The following INPP5F variants were observed in gnomAD, a reference collection of about 807,000 sequenced individuals.
INPP5F encodes inositol polyphosphate-5-phosphatase F, also known as phosphatidylinositide 4-phosphatase SAC2.
INPP5F carries 97 observed loss-of-function variants against 137.2 expected under a neutral mutation model. That is an observed-to-expected ratio of 0.71 (90% CI 0.60 to 0.84). The LOEUF is 0.84. Among genes scored for constraint, INPP5F ranks in the 40% least tolerant of loss-of-function variants. The pLI is 0.00. For missense variants in INPP5F, 1,271 were observed against 1,371.9 expected (o/e 0.93, Z 1.16); for synonymous variants, 504 against 476.9 (o/e 1.06, Z -0.74).
chr10:119,779,465 G>A (rs1346473489), intron 2 of INPP5F, among the ~76,000 whole-genome samples: 2 of 151,882 alleles, frequency 1.3e-5, no homozygotes, highest in Non-Finnish European at 2.9e-5. Context: ...TGTCACCCAA[G>A]CTGGAGTGCA....
Position 119,792,053 on chromosome 10 carries a change from G to C in INPP5F, c.612+17G>C. ...TGGCAGAAGGTACCACTCACAGCTC[G>C]TAGAGCAGGGTTTGCACTTGGGAAG... On this transcript the variant is annotated intron_variant, in intron 5 of 19. Coordinates refer to ENST00000650623, the MANE Select transcript of INPP5F (RefSeq NM_014937.4). 1 of 1,614,226 alleles carries C rather than the reference G, an allele frequency of 6.2e-7. No individual in the cohort carries two copies. Among genetic ancestry groups the C allele is most frequent in the Non-Finnish European group, 8.5e-7 (1 of 1,180,028 alleles).
intron 1 of INPP5F, among the ~76,000 whole-genome samples, chr10:119,746,006 T>A (rs796254689): frequency 6.6e-6 from 1 of 152,168 alleles, no homozygotes; most frequent in Non-Finnish European, 1.5e-5. Flanking sequence ...CCGACCAGGC[T>A]CATTACTGTT....
chr10:119,754,273 C>T (rs576416166), intron 2 of INPP5F, among the ~76,000 whole-genome samples: 2 of 152,286 alleles, frequency 1.3e-5, no homozygotes, highest in South Asian at 4.1e-4. Flanking sequence ...GGCAGACAGC[C>T]CAGAAGCTGT....
chr10:119,757,529 C>G (rs1377383796), intron 2 of INPP5F, among the ~76,000 whole-genome samples: 1 of 151,972 alleles, frequency 6.6e-6, no homozygotes, highest in Non-Finnish European at 1.5e-5. Context: ...TGGTGGCTCA[C>G]ACCTGTAATC....
intron 12 of INPP5F, among the ~76,000 whole-genome samples, 170 bp from the exon 13 acceptor site, chr10:119,807,762 T>G (rs1850851746): frequency 6.6e-6 from 1 of 152,236 alleles, no homozygotes. Context: ...TAGCAATTTA[T>G]AAAGCCATCT....
chr10:119,801,959 A>G (rs951784140), intron 9 of INPP5F, among the ~76,000 whole-genome samples: 1 of 152,152 alleles, frequency 6.6e-6, no homozygotes, highest in South Asian at 2.1e-4. Context: ...GTACCCCAAC[A>G]GTGTTCATTT....
intron 3 of INPP5F, 101 bp downstream of exon 3, chr10:119,781,872 G>A (rs1197697181): frequency 3.2e-6 from 3 of 930,694 alleles, no homozygotes; most frequent in Non-Finnish European, 4.7e-6. Context: ...TTTTAGAGCT[G>A]GGTAATGTTT....
At chr10:119,768,116 A>G (rs1672260687) in intron 2 of INPP5F, 1 of 152,238 alleles carries the variant, frequency 6.6e-6, no homozygotes, top group South Asian at 2.1e-4. Context: ...CGTTTTGAGC[A>G]TAATCTGCAG....
intron 2 of INPP5F, among the ~76,000 whole-genome samples, chr10:119,780,638 C>T (rs1272343978): frequency 6.6e-6 from 1 of 152,148 alleles, no homozygotes; most frequent in East Asian, 1.9e-4. Context: ...GTACAGTCGG[C>T]CCTGTGTATC....
Position 119,811,828 on chromosome 10 carries a change from T to G in INPP5F, c.1759T>G (p.Leu587Val). ...TACCAAGGAGAAAGAACATGAAGCT[T>G]TGCATAAGGAAAATCAGAGAAGCCA... ...IFTKEKEHEA[L>V]HKENQRSHQE... The change falls in exon 15 of 20, where the codon TTG becomes GTG. Residue 587 changes from leucine to valine, a missense_variant. Around this residue, in one of 6 missense-constraint regions of INPP5F, gnomAD observed 593 missense variants for 712.4 expected, o/e 0.83. Coordinates refer to ENST00000650623, the MANE Select transcript of INPP5F (RefSeq NM_014937.4). 6.2e-7 allele frequency: 1 copy of G among 1,614,120 alleles called. No homozygotes were observed. The highest frequency in any genetic ancestry group is 8.5e-7 in the Non-Finnish European group (1 of 1,179,950).
intron 13 of INPP5F, among the ~76,000 whole-genome samples, chr10:119,808,357 ATGGT>A: frequency 6.6e-6 from 1 of 152,200 alleles, no homozygotes; most frequent in Non-Finnish European, 1.5e-5. Context: ...TTTATATGAA[ATGGT>A]TGGTTTTCAA....
chr10:119,777,281 G>T (rs1344511329), intron 2 of INPP5F, among the ~76,000 whole-genome samples: 1 of 152,110 alleles, frequency 6.6e-6, no homozygotes, highest in Non-Finnish European at 1.5e-5. Flanking sequence ...AGGCCAAGTC[G>T]GGCGCATCAC....
chr10:119,792,794 A>G (rs769593462), intron 6 of INPP5F, among the ~76,000 whole-genome samples: 3 of 152,228 alleles, frequency 2.0e-5, no homozygotes, highest in Non-Finnish European at 2.9e-5. Flanking sequence ...AATTCATTCA[A>G]TCAACAAATA....
At chr10:119,765,741 CTGTGTGTGTGTGTGTGTGTGTGTG>C (rs34906556) in intron 2 of INPP5F, among the ~76,000 whole-genome samples, 4 of 127,714 alleles carry the variant, frequency 3.1e-5, no homozygotes, top group Admixed American at 8.4e-5. Context: ...CAAGGGTAAA[CTGTGTGTGTGTGTGTGTGTGTGTG>C]TGTGTGTGTG....
At chr10:119,746,708 A>G (rs2134118063) in intron 1 of INPP5F, among the ~76,000 whole-genome samples, 1 of 152,350 alleles carries the variant, frequency 6.6e-6, no homozygotes, top group East Asian at 1.9e-4. Flanking sequence ...TTGTAAGTCA[A>G]TGAAAGATAT....
chr10:119,765,546 A>ATT lies in INPP5F; in HGVS notation c.178+14405_178+14406dup, dbSNP rs36034689. Among the ~76,000 whole-genome samples the ATT allele has an allele frequency of 1.8e-3, 234 of 129,800 alleles. 3 individuals are homozygous for ATT. The highest frequency in any genetic ancestry group is 6.3e-3 in the African/African-American group (218 of 34,652). 85.2% of individuals were successfully genotyped at this position (129,800 alleles called of 152,430 possible). A position where few individuals can be genotyped will look rare whatever the true frequency, so the allele number is the denominator to read the frequency against. On this transcript the variant is annotated intron_variant, in intron 2 of 19. Transcript: ENST00000650623. ...GCCATGATACCTGGCTAATTTTTGT[A>ATT]TTTTTTTTTTTTTTTTGTAGAGATG...
rs1411425260 is a variant in INPP5F at position 119,823,071 on chromosome 10, G to C, written c.2033G>C (p.Gly678Ala). ...SLENLEKIEI[G>A]PEPTLFGKPK... ...TATACGTATTCATTTGGGATTTTAG[G>C]CCCTGAACCCACTCTTTTTGGTAAG... The change falls in exon 18 of 20, where the codon GGC becomes GCC. Residue 678 changes from glycine (G) to alanine (A), a missense_variant and splice_region_variant. Coordinates refer to ENST00000650623, the MANE Select transcript of INPP5F (RefSeq NM_014937.4). 6.2e-7 allele frequency: 1 copy of C among 1,612,052 alleles called. No individual in the cohort carries two copies. Among genetic ancestry groups the C allele is most frequent in the Non-Finnish European group, 8.5e-7 (1 of 1,179,238 alleles).
chr10:119,738,138 G>T (rs545657688), intron 1 of INPP5F, among the ~76,000 whole-genome samples: 1 of 152,278 alleles, frequency 6.6e-6, no homozygotes, highest in East Asian at 1.9e-4. Flanking sequence ...GAGTGAAAAT[G>T]TTGACCTGAT....
chr10:119,777,169 A>C (rs1849551666), intron 2 of INPP5F, among the ~76,000 whole-genome samples: 1 of 152,120 alleles, frequency 6.6e-6, no homozygotes, highest in Admixed American at 6.5e-5. Flanking sequence ...TGCTGGGATT[A>C]CAGGGATGAC....
Sources: gnomAD v4.1 joint callset for allele counts (sites outside exome capture counted in the v4.1 genomes callset) on GRCh38, gnomAD v4.1.1 for gene constraint, gnomAD v4.1.1 regional missense constraint, MANE v1.5 for transcripts, NCBI Gene and HGNC (gene_info 2026-07-23, HGNC 2026-07-21) for gene names.